PLAUR: variants seen among roughly 807,000 people sequenced by gnomAD.
PLAUR encodes urokinase plasminogen activator surface receptor.
In PLAUR, 22 loss-of-function variants were observed where a neutral mutation model predicts 33.4. The ratio of observed to expected loss-of-function variants is 0.66; its 90% CI spans 0.47 to 0.94. The LOEUF (loss-of-function observed/expected upper bound fraction) is 0.94. Among genes scored for constraint, PLAUR ranks in the 40% least tolerant of loss-of-function variants. The probability of loss-of-function intolerance (pLI) is 0.00; values close to 1 mark genes in which losing one functional copy is unlikely to be tolerated. For missense variants in PLAUR, 408 were observed against 434.7 expected, an observed-to-expected ratio of 0.94 and a Z score of 0.55; for synonymous variants, 148 against 167.3, an observed-to-expected ratio of 0.88 and a Z score of 0.89.
At chr19:43,649,173 C>A in intron 6 of PLAUR, 30 bp from the exon 7 acceptor site, 1 of 1,595,276 alleles carries the variant, frequency 6.3e-7, no homozygotes, top group South Asian at 1.1e-5. Flanking sequence ...AGTGAGACTT[C>A]CAGCTCCTGG....
chr19:43,647,531 G>A (rs1973843738), downstream of PLAUR, among the ~76,000 whole-genome samples: 1 of 152,136 alleles, frequency 6.6e-6, no homozygotes, highest in Admixed American at 6.6e-5. Context: ...AGGAGGCCAG[G>A]CACGGTGGCT....
intron 3 of PLAUR, among the ~76,000 whole-genome samples, chr19:43,660,332 AT>A (rs58331143): frequency 0.34 from 49,369 of 144,674 alleles, 9,267 homozygotes; most frequent in African/African-American, 0.52. Flanking sequence ...TACCCGGCTA[AT>A]TTTTTTTTTT....
At position 43,648,785 on chromosome 19, in the gene PLAUR, G is replaced by T; in HGVS notation, c.*105C>A. On this transcript the variant is annotated 3_prime_UTR_variant, in exon 7 of 7. Transcript: ENST00000340093. Reference sequence around the variant, plus strand: ...GGGAAAACTGAGGCCCAGAGAGGTCGGCACACTGGCCTGAGGTCACACAGC... The same window carrying T: ...GGGAAAACTGAGGCCCAGAGAGGTCTGCACACTGGCCTGAGGTCACACAGC... 8.0e-7 allele frequency: 1 copy of T among 1,242,594 alleles called. No homozygotes were observed. Among genetic ancestry groups the T allele is most frequent in the Non-Finnish European group, 1.1e-6 (1 of 884,456 alleles). The allele number at this position is 1,242,594 out of a possible 1,614,324, so 77.0% of individuals were successfully genotyped here. A position where few individuals can be genotyped will look rare whatever the true frequency, so the allele number is the denominator to read the frequency against.
At chr19:43,652,133 C>G (rs988968816) in intron 6 of PLAUR, 92 bp downstream of exon 6, 4 of 1,565,792 alleles carry the variant, frequency 2.6e-6, no homozygotes, top group Non-Finnish European at 3.5e-6. Context: ...GGAGACCCAC[C>G]ACAGTTAACT....
chr19:43,666,127 A>G (rs1042461084), intron 2 of PLAUR, among the ~76,000 whole-genome samples: 2 of 151,944 alleles, frequency 1.3e-5, no homozygotes, highest in Non-Finnish European at 2.9e-5. Flanking sequence ...AGCTGGGGCA[A>G]TCATAGCTCA....
downstream of PLAUR, among the ~76,000 whole-genome samples, chr19:43,648,386 T>G (rs951942855): frequency 1.3e-5 from 2 of 152,156 alleles, no homozygotes; most frequent in African/African-American, 4.8e-5. Context: ...TGGTGTTTGT[T>G]CAAGATGGCA....
chr19:43,665,218 G>A (rs1262401119), intron 3 of PLAUR, 98 bp downstream of exon 3: 11 of 1,264,548 alleles, frequency 8.7e-6, no homozygotes, highest in Non-Finnish European at 1.3e-5. Context: ...ATGGAGTTGG[G>A]GTTCAGCTGA....
chr19:43,646,413 G>A, downstream of PLAUR: 1 of 716,578 alleles, frequency 1.4e-6, no homozygotes, highest in South Asian at 1.5e-5. Flanking sequence ...TGGTGCCTGG[G>A]CTGAGATGGC....
rs1379455526 is a variant in PLAUR, at chr19:43,648,782, G to A, written c.*108C>T. ...GCTGGGAAAACTGAGGCCCAGAGAG[G>A]TCGGCACACTGGCCTGAGGTCACAC... On this transcript the variant is annotated 3_prime_UTR_variant, in exon 7 of 7. Coordinates refer to ENST00000340093, the MANE Select transcript of PLAUR (RefSeq NM_002659.4). 17 of 1,219,860 alleles carry A rather than the reference G, an allele frequency of 1.4e-5. No individual in the cohort carries two copies. The highest frequency in any genetic ancestry group is 2.0e-5 in the Non-Finnish European group (17 of 864,236). The allele number at this position is 1,219,860 out of a possible 1,614,324, so 75.6% of individuals were successfully genotyped here.
chr19:43,659,702 G>C (rs866164192), intron 3 of PLAUR, among the ~76,000 whole-genome samples: 1 of 152,084 alleles, frequency 6.6e-6, no homozygotes, highest in African/African-American at 2.4e-5. Flanking sequence ...CGCGTCCAAG[G>C]CGGCCCCATC....
intron 5 of PLAUR, 23 bp from the exon 6 acceptor site, chr19:43,652,394 A>G (rs1600116416): frequency 6.2e-7 from 1 of 1,609,420 alleles, no homozygotes; most frequent in South Asian, 1.1e-5. Context: ...CCAGAGACAC[A>G]GAGACCAAGA....
downstream of PLAUR, chr19:43,646,298 A>C: frequency 1.7e-6 from 1 of 592,342 alleles, no homozygotes. Flanking sequence ...GTAATAATTT[A>C]TCACAGGCAG....
chr19:43,654,786 G>C (rs1407848302), intron 5 of PLAUR, among the ~76,000 whole-genome samples: 1 of 152,028 alleles, frequency 6.6e-6, no homozygotes, highest in Admixed American at 6.6e-5. Context: ...TGGCTGTAGG[G>C]TGGCAGGAGT....
chr19:43,665,968 C>G (rs1186334109), intron 2 of PLAUR, among the ~76,000 whole-genome samples: 2 of 152,076 alleles, frequency 1.3e-5, no homozygotes, highest in Non-Finnish European at 1.5e-5. Context: ...CCCACTCCTG[C>G]TCTTGTAGTG....
At chr19:43,659,167 C>CTTTTTCTTT (rs1555780396) in intron 3 of PLAUR, among the ~76,000 whole-genome samples, 5 of 97,138 alleles carry the variant, frequency 5.1e-5, no homozygotes, top group African/African-American at 2.0e-4. Context: ...CTTTTCTTTT[C>CTTTTTCTTT]TTTTTTTTTT....
At chr19:43,657,560 A>G (rs533785341) in intron 3 of PLAUR, among the ~76,000 whole-genome samples, 32 of 152,152 alleles carry the variant, frequency 2.1e-4, no homozygotes, top group Middle Eastern at 3.4e-3. Flanking sequence ...CTCATTCTTC[A>G]GGTGTCAGCT....
chr19:43,667,405 T>A, intron 2 of PLAUR, 176 bp downstream of exon 2: 1 of 612,574 alleles, frequency 1.6e-6, no homozygotes, highest in East Asian at 2.8e-5. Context: ...TCCACATCCT[T>A]ACTAACCCGG....
At chr19:43,668,299 T>C in intron 1 of PLAUR, 1 of 986,618 alleles carries the variant, frequency 1.0e-6, no homozygotes. Context: ...CGAAGTTCTG[T>C]CTCCGCCCTC....
intron 6 of PLAUR, chr19:43,651,779 T>C (rs1385668302): frequency 1.2e-5 from 12 of 989,346 alleles, no homozygotes; most frequent in Non-Finnish European, 1.4e-5. Flanking sequence ...ACCAAAAAGT[T>C]TGAGAACCAC....
Sources: allele counts gnomAD v4.1 joint callset (sites outside exome capture counted in the v4.1 genomes callset), GRCh38; gene constraint gnomAD v4.1.1; transcripts MANE v1.5; gene names NCBI Gene and HGNC (gene_info 2026-07-23, HGNC 2026-07-21).